The following GALNT2 variants were observed in gnomAD, a reference collection of about 807,000 sequenced individuals.
GALNT2 encodes the protein polypeptide N-acetylgalactosaminyltransferase 2, also known as UDP-GalNAc:polypeptide N-acetylgalactosaminyltransferase 2.
Under a neutral mutation model 81.4 loss-of-function variants are expected in GALNT2, and 31 were observed. The ratio of observed to expected loss-of-function variants is 0.38; its 90% CI spans 0.29 to 0.51. The LOEUF is 0.51. GALNT2 is among the 20% of genes least tolerant of loss of function. The pLI, the probability that GALNT2 is intolerant of heterozygous loss-of-function variation, is 0.87. For missense variants in GALNT2, 629 were observed against 765.7 expected (o/e 0.82, Z 2.11); for synonymous variants, 303 against 287.4 (o/e 1.05, Z -0.55).
At chr1:230,159,920 T>G (rs775901565) in intron 1 of GALNT2, among the ~76,000 whole-genome samples, 2 of 152,174 alleles carry the variant, frequency 1.3e-5, no homozygotes, top group Admixed American at 6.5e-5. Flanking sequence ...AGGAGTCAGC[T>G]GCTGTGCCTT....
At chr1:230,074,016 G>T (rs1212212693) in intron 1 of GALNT2, among the ~76,000 whole-genome samples, 6 of 152,112 alleles carry the variant, frequency 3.9e-5, no homozygotes, top group Admixed American at 1.3e-4. Context: ...ACATGCATTT[G>T]GGCAGGGACA....
At chr1:230,094,202 G>T (rs941757549) in intron 1 of GALNT2, among the ~76,000 whole-genome samples, 5 of 138,942 alleles carry the variant, frequency 3.6e-5, no homozygotes, top group Non-Finnish European at 6.1e-5. Flanking sequence ...GTAGAGATTG[G>T]GTTTTGCTAT....
At chr1:230,197,987 G>T (rs1314936944) in intron 2 of GALNT2, among the ~76,000 whole-genome samples, 4 of 152,208 alleles carry the variant, frequency 2.6e-5, no homozygotes, top group Non-Finnish European at 5.9e-5. Flanking sequence ...GCAAACGAGC[G>T]AAAGAGGCGT....
chr1:230,060,354 T>G (rs993184470), intron 1 of GALNT2, among the ~76,000 whole-genome samples: 3 of 152,192 alleles, frequency 2.0e-5, no homozygotes, highest in Non-Finnish European at 4.4e-5. Flanking sequence ...GCTCAACCCT[T>G]GTTTATATAC....
At chr1:230,121,316 G>A (rs550464834) in intron 1 of GALNT2, among the ~76,000 whole-genome samples, 17 of 152,360 alleles carry the variant, frequency 1.1e-4, no homozygotes, top group African/African-American at 3.1e-4. Context: ...TCTTAGTCCC[G>A]TGGCGGGCGG....
At chr1:230,222,044 T>TTTTTTTTTTTTTTTTTTTTTTTTA (rs71173785) in intron 3 of GALNT2, among the ~76,000 whole-genome samples, 2 of 142,760 alleles carry the variant, frequency 1.4e-5, no homozygotes, top group Non-Finnish European at 1.5e-5. Flanking sequence ...TTTTTTTTTT[T>TTTTTTTTTTTTTTTTTTTTTTTTA]GAGACAGAGT....
intron 1 of GALNT2, among the ~76,000 whole-genome samples, chr1:230,163,100 C>T (rs770430078): frequency 1.4e-4 from 22 of 152,272 alleles, no homozygotes; most frequent in Middle Eastern, 3.4e-3. Flanking sequence ...TCAGTGGACA[C>T]GTGAATCTTT....
intron 2 of GALNT2, among the ~76,000 whole-genome samples, chr1:230,202,332 A>G (rs1215854687): frequency 1.3e-5 from 2 of 152,158 alleles, no homozygotes; most frequent in African/African-American, 4.8e-5. Flanking sequence ...TCACTCGCCT[A>G]GCAGTGCTCT....
At chr1:230,058,317 T>C (rs1444658434) in intron 1 of GALNT2, among the ~76,000 whole-genome samples, 2 of 151,938 alleles carry the variant, frequency 1.3e-5, no homozygotes, top group African/African-American at 4.8e-5. Context: ...GATGAGAGGG[T>C]TACACAGCGG....
intron 1 of GALNT2, among the ~76,000 whole-genome samples, chr1:230,119,711 C>A (rs772310120): frequency 6.6e-6 from 1 of 152,110 alleles, no homozygotes; most frequent in Non-Finnish European, 1.5e-5. Context: ...TCAGTTTCTT[C>A]CTTTTATTTA....
At chr1:230,075,140 T>TTTTTTTTTG (rs1399602658) in intron 1 of GALNT2, among the ~76,000 whole-genome samples, 27 of 145,420 alleles carry the variant, frequency 1.9e-4, no homozygotes, top group African/African-American at 6.0e-4. Flanking sequence ...TTTTTTTTTT[T>TTTTTTTTTG]TTTGAGACAA....
rs370981868 is a variant in GALNT2 at position 230,250,838 on chromosome 1, T to C, written c.1009+278T>C. Among the ~76,000 whole-genome samples, 61 of 152,236 alleles carry C rather than the reference T, an allele frequency of 4.0e-4. 2 individuals carry two copies. The South Asian group carries it at 0.012, about 31-fold the overall frequency. ...TTCAAGGCGTCTGAACCCAAGTGTT[T>C]GGAATGTTGCAGGCTTGCAAAAACA... On this transcript the variant is annotated intron_variant, in intron 10 of 15. Coordinates refer to ENST00000366672, the MANE Select transcript of GALNT2 (RefSeq NM_004481.5).
chr1:230,100,372 G>GC (rs1660367808), intron 1 of GALNT2, among the ~76,000 whole-genome samples: 1 of 144,554 alleles, frequency 6.9e-6, no homozygotes, highest in African/African-American at 2.6e-5. Flanking sequence ...AGGCTCCCAG[G>GC]CTGGAGTGCA....
intron 3 of GALNT2, among the ~76,000 whole-genome samples, chr1:230,235,664 A>G (rs1454795914): frequency 2.6e-5 from 4 of 152,230 alleles, no homozygotes. Flanking sequence ...TTCGGAAATT[A>G]CGACTGCAAA....
At chr1:230,108,397 T>C (rs1028251898) in intron 1 of GALNT2, among the ~76,000 whole-genome samples, 3 of 152,240 alleles carry the variant, frequency 2.0e-5, no homozygotes, top group African/African-American at 7.2e-5. Flanking sequence ...TATGTCCCGA[T>C]AAACCCATCA....
chr1:230,184,050 TC>T (rs1053105209), intron 2 of GALNT2, among the ~76,000 whole-genome samples: 1 of 152,184 alleles, frequency 6.6e-6, no homozygotes, highest in Admixed American at 6.5e-5. Flanking sequence ...TTCATGTAGA[TC>T]CAGGTTTCTG....
chr1:230,099,988 C>A (rs1297553767), intron 1 of GALNT2, among the ~76,000 whole-genome samples: 2 of 152,222 alleles, frequency 1.3e-5, no homozygotes, highest in Non-Finnish European at 2.9e-5. Flanking sequence ...TATTCCCAAC[C>A]AAGACCTAGG....
At chr1:230,265,955 G>C (rs758080898) in intron 14 of GALNT2, among the ~76,000 whole-genome samples, 39 of 152,334 alleles carry the variant, frequency 2.6e-4, no homozygotes, top group Non-Finnish European at 5.4e-4. Context: ...ACTTTGGGAG[G>C]CTGTGGTGGG....
At chr1:230,149,222 C>CTT (rs1173913713) in intron 1 of GALNT2, among the ~76,000 whole-genome samples, 2 of 152,176 alleles carry the variant, frequency 1.3e-5, no homozygotes, top group African/African-American at 4.8e-5. Flanking sequence ...GAAGGTGCTG[C>CTT]TTCTGCTTTT....
Sources: gnomAD v4.1 joint callset for allele counts (sites outside exome capture counted in the v4.1 genomes callset) on GRCh38, gnomAD v4.1.1 for gene constraint, MANE v1.5 for transcripts, NCBI Gene and HGNC (gene_info 2026-07-23, HGNC 2026-07-21) for gene names.